BEND7: variants seen among roughly 807,000 people sequenced by gnomAD.
The protein encoded by BEND7 is BEN domain-containing protein 7.
BEND7 carries 28 observed loss-of-function variants against 50.9 expected under a neutral mutation model. The ratio of observed to expected loss-of-function variants is 0.55; its 90% CI spans 0.41 to 0.75. The LOEUF is 0.75. Ranked by LOEUF, BEND7 falls within the 30% of genes least tolerant of loss-of-function variation. BEND7 has a pLI of 0.00. For missense variants in BEND7, 477 were observed against 491.3 expected (o/e 0.97, Z 0.28); for synonymous variants, 170 against 183.9 (o/e 0.92, Z 0.61).
At chr10:13,449,365 C>A (rs1837188779) in intron 7 of BEND7, among the ~76,000 whole-genome samples, 1 of 152,156 alleles carries the variant, frequency 6.6e-6, no homozygotes, top group South Asian at 2.1e-4. Flanking sequence ...GGGCACTTGA[C>A]ATGCAGTGTG....
At chr10:13,439,309 T>C (rs772239353), downstream of BEND7, 1 of 1,614,162 alleles carries the variant, frequency 6.2e-7, no homozygotes, top group Non-Finnish European at 8.5e-7. Flanking sequence ...AAGTCTTGGC[T>C]GGTTTGGGAC....
chr10:13,478,963 C>T (rs2075659222), intron 6 of BEND7, among the ~76,000 whole-genome samples: 1 of 151,120 alleles, frequency 6.6e-6, no homozygotes, highest in Non-Finnish European at 1.5e-5. Context: ...TTATAGAGTA[C>T]AGCAGTGAAG....
chr10:13,514,244 G>A (rs2132521611), intron 2 of BEND7, among the ~76,000 whole-genome samples: 1 of 152,238 alleles, frequency 6.6e-6, no homozygotes, highest in East Asian at 1.9e-4. Context: ...ATCTACAATA[G>A]GAATATATTA....
At chr10:13,517,792 C>A (rs768857580) in intron 2 of BEND7, among the ~76,000 whole-genome samples, 2 of 152,112 alleles carry the variant, frequency 1.3e-5, no homozygotes, top group Non-Finnish European at 2.9e-5. Flanking sequence ...AAGTTGCACA[C>A]GATACTCTCA....
At chr10:13,519,807 C>T (rs749554473) in intron 2 of BEND7, among the ~76,000 whole-genome samples, 1 of 152,244 alleles carries the variant, frequency 6.6e-6, no homozygotes, top group African/African-American at 2.4e-5. Flanking sequence ...CTTTAAAAAC[C>T]GATAGGAGAG....
At position 13,510,540 on chromosome 10, in the gene BEND7, A is replaced by G. The variant is rs546478767; in HGVS notation, c.146-10460T>C. Among the ~76,000 whole-genome samples, 5 of 152,374 alleles carry G rather than the reference A, an allele frequency of 3.3e-5. No individual in the cohort carries two copies. In the South Asian group the frequency reaches 1.0e-3, roughly 32 times the overall value. ...GAACATTAGATAAATGAATTATGGTACAGCAGTACAACGAAATTATATCAT... is the reference window on the plus strand; with the variant it reads ...GAACATTAGATAAATGAATTATGGTGCAGCAGTACAACGAAATTATATCAT... On this transcript the variant is annotated intron_variant, in intron 2 of 8. Coordinates refer to ENST00000466271, the MANE Select transcript of BEND7 (RefSeq NM_001369863.1).
At chr10:13,505,227 A>T (rs7098377) in intron 2 of BEND7, among the ~76,000 whole-genome samples, 151,731 of 152,350 alleles carry the variant, frequency 1, 75,558 homozygotes, top group Middle Eastern at 1. Context: ...TCCAGACATC[A>T]GCTTTATACA....
At chr10:13,479,292 A>G (rs1268131808) in intron 6 of BEND7, among the ~76,000 whole-genome samples, 1 of 152,054 alleles carries the variant, frequency 6.6e-6, no homozygotes, top group Non-Finnish European at 1.5e-5. Flanking sequence ...TACAGGTTTG[A>G]GCCACCGCGC....
chr10:13,453,884 T>C (rs937214415), intron 6 of BEND7, among the ~76,000 whole-genome samples: 2 of 152,202 alleles, frequency 1.3e-5, no homozygotes, highest in African/African-American at 4.8e-5. Context: ...TGTTATACCT[T>C]TGGACTGGTA....
In BEND7 at chr10:13,441,258, CAT is replaced by C. The variant is rs574279266; in HGVS notation, c.*483_*484del. On this transcript the variant is annotated 3_prime_UTR_variant, in exon 9 of 9. Coordinates refer to ENST00000466271, the MANE Select transcript of BEND7 (RefSeq NM_001369863.1). ...TCTAAATATTTACATATTAATAAAA[CAT>C]ATATACAGAAGATTGAGACATTATC... 166 of 909,878 alleles carry C rather than the reference CAT, an allele frequency of 1.8e-4. No individual in the cohort carries two copies. The highest frequency in any genetic ancestry group is 1.1e-3 in the Middle Eastern group (2 of 1,744). The allele number at this position is 909,878 out of a possible 1,614,324, so 56.4% of individuals were successfully genotyped here. A position where few individuals can be genotyped will look rare whatever the true frequency, so the allele number is the denominator to read the frequency against.
downstream of BEND7, chr10:13,439,456 C>T (rs1261470671): frequency 6.2e-7 from 1 of 1,613,394 alleles, no homozygotes; most frequent in African/African-American, 1.3e-5. Flanking sequence ...GTCACCGCTG[C>T]ACTCCCACCC....
chr10:13,480,867 A>G (rs1246308522), intron 6 of BEND7, 32 bp downstream of exon 6: 1 of 1,612,048 alleles, frequency 6.2e-7, no homozygotes, highest in East Asian at 2.2e-5. Context: ...AGCTCAACGA[A>G]GAACCCACAA....
At chr10:13,464,542 G>A (rs1047091606) in intron 6 of BEND7, among the ~76,000 whole-genome samples, 1 of 152,166 alleles carries the variant, frequency 6.6e-6, no homozygotes, top group East Asian at 1.9e-4. Flanking sequence ...CTCTGGGGCG[G>A]GGAAGAGAGA....
chr10:13,505,786 CCTT>C (rs1233311591), intron 2 of BEND7, among the ~76,000 whole-genome samples: 2 of 152,134 alleles, frequency 1.3e-5, no homozygotes, highest in Non-Finnish European at 2.9e-5. Context: ...CTATATGCCT[CCTT>C]ATTAGGAAAA....
intron 2 of BEND7, among the ~76,000 whole-genome samples, chr10:13,508,540 A>G (rs1385731675): frequency 6.6e-6 from 1 of 152,238 alleles, no homozygotes; most frequent in East Asian, 1.9e-4. Context: ...ATCAAATACC[A>G]TGAAAAGGAG....
At chr10:13,455,374 G>T (rs898427579) in intron 6 of BEND7, among the ~76,000 whole-genome samples, 1 of 152,008 alleles carries the variant, frequency 6.6e-6, no homozygotes, top group African/African-American at 2.4e-5. Context: ...GAGAGTGGAG[G>T]GGAGGCCACT....
intron 6 of BEND7, among the ~76,000 whole-genome samples, chr10:13,454,956 G>C (rs1209274254): frequency 6.6e-6 from 1 of 152,164 alleles, no homozygotes; most frequent in East Asian, 1.9e-4. Flanking sequence ...TGGATCACTT[G>C]AGGTCAGGAG....
intron 2 of BEND7, among the ~76,000 whole-genome samples, chr10:13,514,706 T>C (rs2078537029): frequency 6.6e-6 from 1 of 152,196 alleles, no homozygotes; most frequent in Non-Finnish European, 1.5e-5. Flanking sequence ...CTAATATTCC[T>C]GCAGCAACTC....
At chr10:13,513,191 G>A (rs1248123168) in intron 2 of BEND7, among the ~76,000 whole-genome samples, 2 of 152,116 alleles carry the variant, frequency 1.3e-5, no homozygotes, top group Admixed American at 6.5e-5. Context: ...TTGATATCAT[G>A]ACCTACTTAC....
Sources: gnomAD v4.1 joint callset for allele counts (sites outside exome capture counted in the v4.1 genomes callset) on GRCh38, gnomAD v4.1.1 for gene constraint, MANE v1.5 for transcripts, NCBI Gene and HGNC (gene_info 2026-07-23, HGNC 2026-07-21) for gene names.